The following TSPAN11 variants were observed in gnomAD, a reference collection of about 807,000 sequenced individuals.
The protein encoded by TSPAN11 is tetraspanin-11.
TSPAN11 carries 29 observed loss-of-function variants against 32.9 expected under a neutral mutation model. That is an observed-to-expected ratio of 0.88 (90% CI 0.66 to 1.20). The LOEUF is 1.20. Ranked by LOEUF, TSPAN11 falls within the 50% of genes most tolerant of loss-of-function variation. The probability of loss-of-function intolerance (pLI) is 0.00; values close to 1 mark genes in which losing one functional copy is unlikely to be tolerated. For missense variants in TSPAN11, 283 were observed against 329.1 expected (o/e 0.86, Z 1.08); for synonymous variants, 140 against 141.3 (o/e 0.99, Z 0.07).
chr12:30,971,330 T>G (rs1417250599), intron 3 of TSPAN11, among the ~76,000 whole-genome samples: 1 of 152,226 alleles, frequency 6.6e-6, no homozygotes, highest in Non-Finnish European at 1.5e-5. Flanking sequence ...TTCTTCAAAC[T>G]TACCTCAAAG....
chr12:30,969,236 C>A (rs1938799100), intron 3 of TSPAN11, among the ~76,000 whole-genome samples: 1 of 152,190 alleles, frequency 6.6e-6, no homozygotes, highest in South Asian at 2.1e-4. Context: ...TGAGGAGAGC[C>A]TGAGTCCCCA....
intron 1 of TSPAN11, among the ~76,000 whole-genome samples, chr12:30,931,879 C>CAAAAAAAAAAAAAAAA (rs58500177): frequency 4.9e-5 from 3 of 60,886 alleles, no homozygotes; most frequent in African/African-American, 1.3e-4. Context: ...GACGCTGTAT[C>CAAAAAAAAAAAAAAAA]AAAAAAAAAA....
At chr12:30,963,754 T>G in intron 2 of TSPAN11, 72 bp from the exon 3 acceptor site, 2 of 1,518,620 alleles carry the variant, frequency 1.3e-6, no homozygotes, top group South Asian at 2.5e-5. Context: ...CCTGGCACCC[T>G]GTGGGCACTG....
chr12:30,942,727 T>TAA (rs10661944), intron 1 of TSPAN11, among the ~76,000 whole-genome samples: 8,772 of 143,466 alleles, frequency 0.061, 842 homozygotes, highest in African/African-American at 0.21. Flanking sequence ...CAAATGAAGT[T>TAA]AAAAAAAAAA....
chr12:30,953,847 T>C (rs1460934810), intron 1 of TSPAN11, 134 bp from the exon 2 acceptor site: 2 of 628,016 alleles, frequency 3.2e-6, no homozygotes, highest in Non-Finnish European at 5.6e-6. Context: ...ATGCTGCACA[T>C]GCAGAGCCTC....
At chr12:30,969,222 AG>A (rs1938798733) in intron 3 of TSPAN11, among the ~76,000 whole-genome samples, 1 of 152,222 alleles carries the variant, frequency 6.6e-6, no homozygotes. Flanking sequence ...TGGGAAGTTC[AG>A]GGTGAGGAGA....
chr12:30,952,154 G>C (rs1169356168), intron 1 of TSPAN11, among the ~76,000 whole-genome samples: 1 of 152,152 alleles, frequency 6.6e-6, no homozygotes, highest in African/African-American at 2.4e-5. Flanking sequence ...AGGCCTCTTT[G>C]CTGCAAGTAG....
chr12:30,970,860 C>T (rs1232989111), intron 3 of TSPAN11, among the ~76,000 whole-genome samples: 2 of 152,188 alleles, frequency 1.3e-5, no homozygotes, highest in Admixed American at 6.5e-5. Flanking sequence ...ACAAATGGGC[C>T]GGGCAGCTGC....
At chr12:30,971,222 A>G (rs1447775780) in intron 3 of TSPAN11, among the ~76,000 whole-genome samples, 2 of 152,212 alleles carry the variant, frequency 1.3e-5, no homozygotes, top group East Asian at 3.8e-4. Flanking sequence ...ATTATTCAGA[A>G]TGGCTGGAGA....
chr12:30,952,267 C>CCT (rs1428879033), intron 1 of TSPAN11, among the ~76,000 whole-genome samples: 5 of 152,122 alleles, frequency 3.3e-5, no homozygotes, highest in Non-Finnish European at 7.3e-5. Context: ...TTGCTAAGGG[C>CCT]CTGCGGTGGC....
At chr12:30,958,006 A>G (rs1031032176) in intron 2 of TSPAN11, among the ~76,000 whole-genome samples, 1 of 152,082 alleles carries the variant, frequency 6.6e-6, no homozygotes, top group Non-Finnish European at 1.5e-5. Flanking sequence ...TATGAGTGTA[A>G]CTATGGAAAC....
At chr12:30,965,303 G>T (rs1357677880) in intron 3 of TSPAN11, among the ~76,000 whole-genome samples, 2 of 152,212 alleles carry the variant, frequency 1.3e-5, no homozygotes, top group African/African-American at 4.8e-5. Flanking sequence ...TCAGGCTTCA[G>T]GCTGAGCCTC....
At chr12:30,969,578 T>C (rs1026295907) in intron 3 of TSPAN11, among the ~76,000 whole-genome samples, 1 of 152,152 alleles carries the variant, frequency 6.6e-6, no homozygotes, top group Non-Finnish European at 1.5e-5. Flanking sequence ...GGGTTTGTGT[T>C]GACATCCATC....
chr12:31,001,398 C>T (rs1002970662), downstream of TSPAN11, among the ~76,000 whole-genome samples: 3 of 152,338 alleles, frequency 2.0e-5, no homozygotes, highest in South Asian at 6.2e-4. Flanking sequence ...GTCACTGCCT[C>T]TCCCACACAG....
At chr12:30,929,306 A>G (rs56287844) in intron 1 of TSPAN11, among the ~76,000 whole-genome samples, 5,462 of 152,344 alleles carry the variant, frequency 0.036, 129 homozygotes, top group Non-Finnish European at 0.054. Context: ...GGATTCAGAC[A>G]TACAAAGTGG....
rs551828968 is a variant in TSPAN11 at position 30,989,114 on chromosome 12, A to G, written c.703-2742A>G. ...GTGCTGTGCCCAGTGCCAGGGCCACATTGCAGGCAGAGTGCCGTCCCTTCT... is the reference window on the plus strand; with the variant it reads ...GTGCTGTGCCCAGTGCCAGGGCCACGTTGCAGGCAGAGTGCCGTCCCTTCT... On this transcript the variant is annotated intron_variant, in intron 7 of 7. Transcript: ENST00000546076. 9.8e-5 allele frequency among the ~76,000 whole-genome samples: 15 copies of G among 152,332 alleles called. No homozygotes were observed. In the East Asian group the frequency reaches 2.9e-3, roughly 29 times the overall value.
intron 3 of TSPAN11, among the ~76,000 whole-genome samples, chr12:30,969,368 C>A (rs1255323392): frequency 6.6e-6 from 1 of 152,222 alleles, no homozygotes; most frequent in African/African-American, 2.4e-5. Flanking sequence ...GGCTCTTTAA[C>A]CTTTGAGTCA....
At chr12:30,978,517 G>C (rs763427544) in intron 3 of TSPAN11, 44 bp from the exon 4 acceptor site, 3 of 1,598,146 alleles carry the variant, frequency 1.9e-6, no homozygotes, top group Non-Finnish European at 2.6e-6. Context: ...TGTCATAGCA[G>C]CAACCCGATC....
At chr12:30,952,764 C>T (rs1331215795) in intron 1 of TSPAN11, among the ~76,000 whole-genome samples, 1 of 152,226 alleles carries the variant, frequency 6.6e-6, no homozygotes, top group African/African-American at 2.4e-5. Context: ...TCTGCAGGCC[C>T]AGCAGCCATG....
Sources: gnomAD v4.1 joint callset for allele counts (sites outside exome capture counted in the v4.1 genomes callset) on GRCh38, gnomAD v4.1.1 for gene constraint, MANE v1.5 for transcripts, NCBI Gene and HGNC (gene_info 2026-07-23, HGNC 2026-07-21) for gene names.